CA10: variants seen among roughly 807,000 people sequenced by gnomAD.
CA10 encodes carbonic anhydrase-related protein 10.
CA10 carries 14 observed loss-of-function variants against 44.2 expected under a neutral mutation model. That is an observed-to-expected ratio of 0.32 (90% CI 0.21 to 0.50). CA10 has a LOEUF of 0.50. CA10 is among the 20% of genes least tolerant of loss of function. The pLI is 0.99. For missense variants in CA10, 350 were observed against 409.7 expected (o/e 0.85, Z 1.26); for synonymous variants, 159 against 141.6 (o/e 1.12, Z -0.87).
At chr17:52,159,709 A>T (rs1989901570), upstream of CA10, 1 of 152,232 alleles carries the variant, frequency 6.6e-6, no homozygotes, top group African/African-American at 2.4e-5. Context: ...GGCCAGGGGC[A>T]GCCAGTCCGC....
chr17:51,695,416 G>T (rs1447995000), intron 4 of CA10, among the ~76,000 whole-genome samples: 3 of 151,874 alleles, frequency 2.0e-5, no homozygotes, highest in Non-Finnish European at 1.5e-5. Flanking sequence ...TATATATGTG[G>T]GTGTTTGTGT....
intron 2 of CA10, among the ~76,000 whole-genome samples, chr17:51,963,320 C>T (rs988784983): frequency 1.3e-5 from 2 of 152,020 alleles, no homozygotes; most frequent in African/African-American, 4.8e-5. Context: ...AAGGAGAAAA[C>T]ATAAGCAACC....
intron 2 of CA10, among the ~76,000 whole-genome samples, chr17:52,066,593 C>T (rs1478655864): frequency 6.6e-6 from 1 of 152,196 alleles, no homozygotes; most frequent in Non-Finnish European, 1.5e-5. Context: ...TTTGCTTCTC[C>T]TTCACCTTCA....
At chr17:51,732,573 C>A (rs1916757401) in intron 4 of CA10, among the ~76,000 whole-genome samples, 1 of 152,162 alleles carries the variant, frequency 6.6e-6, no homozygotes. Context: ...AGGGTGTCTG[C>A]ATAACCGACA....
rs1259335168 is a variant in CA10 at position 51,630,844 on chromosome 17, A to AAAC, written c.*737_*739dup. On this transcript the variant is annotated 3_prime_UTR_variant, in exon 9 of 9. Transcript: ENST00000451037. Reference sequence around the variant, plus strand: ...CAATGTATGACCTTTGGAAAACAAGAAACAGCAAATGGATCATTTCTGATC... The same window carrying AAAC: ...CAATGTATGACCTTTGGAAAACAAGAAACAACAGCAAATGGATCATTTCTGATC... 3 of 152,688 alleles carry AAAC rather than the reference A, an allele frequency of 2.0e-5. No homozygotes were observed. Among genetic ancestry groups the AAAC allele is most frequent in the Non-Finnish European group, 4.4e-5 (3 of 68,058 alleles). 9.5% of individuals were successfully genotyped at this position (152,688 alleles called of 1,614,324 possible).
intron 3 of CA10, among the ~76,000 whole-genome samples, chr17:51,814,342 C>T (rs1208207033): frequency 1.3e-5 from 2 of 152,240 alleles, no homozygotes; most frequent in East Asian, 3.9e-4. Context: ...TGTTACTACT[C>T]CAGTGGGAGT....
At chr17:51,708,504 A>T (rs2143482568) in intron 4 of CA10, among the ~76,000 whole-genome samples, 1 of 152,346 alleles carries the variant, frequency 6.6e-6, no homozygotes, top group African/African-American at 2.4e-5. Context: ...GCTGAGTGGC[A>T]GCTCTTATCC....
chr17:51,828,825 G>C (rs762848632), intron 3 of CA10, among the ~76,000 whole-genome samples: 1 of 152,144 alleles, frequency 6.6e-6, no homozygotes, highest in Non-Finnish European at 1.5e-5. Flanking sequence ...ATGTTGAGTT[G>C]CTTCATCTTT....
intron 2 of CA10, among the ~76,000 whole-genome samples, chr17:52,001,339 T>G (rs1238608031): frequency 6.6e-6 from 1 of 152,020 alleles, no homozygotes; most frequent in African/African-American, 2.4e-5. Flanking sequence ...TTTTTCAACC[T>G]TGTGATGCAG....
chr17:51,692,289 T>A (rs1305422107), intron 4 of CA10, among the ~76,000 whole-genome samples: 2 of 151,044 alleles, frequency 1.3e-5, no homozygotes, highest in African/African-American at 4.9e-5. Flanking sequence ...TCTTGATTCC[T>A]TTTTCAGATT....
chr17:51,836,780 G>A (rs1423328242), intron 3 of CA10, among the ~76,000 whole-genome samples: 2 of 152,192 alleles, frequency 1.3e-5, no homozygotes, highest in African/African-American at 4.8e-5. Flanking sequence ...ATGGCACAAA[G>A]GAGGGAGGCA....
At chr17:51,992,152 C>T (rs1985064790) in intron 2 of CA10, among the ~76,000 whole-genome samples, 1 of 152,070 alleles carries the variant, frequency 6.6e-6, no homozygotes, top group African/African-American at 2.4e-5. Context: ...TTCTCTTCCT[C>T]CCTCCTTGGA....
At chr17:52,040,575 G>A (rs1261622079) in intron 2 of CA10, among the ~76,000 whole-genome samples, 2 of 152,044 alleles carry the variant, frequency 1.3e-5, no homozygotes, top group Non-Finnish European at 2.9e-5. Flanking sequence ...TTGGACAGCA[G>A]GCTATGCAGG....
intron 2 of CA10, among the ~76,000 whole-genome samples, chr17:51,961,436 G>A (rs1376956726): frequency 6.9e-6 from 1 of 145,560 alleles, no homozygotes; most frequent in African/African-American, 2.5e-5. Flanking sequence ...ACCAAGCAAA[G>A]AAAAAGAGAA....
chr17:52,080,166 T>C (rs112153703), intron 1 of CA10, among the ~76,000 whole-genome samples: 5,607 of 152,190 alleles, frequency 0.037, 132 homozygotes, highest in African/African-American at 0.071. Context: ...TTTTAAGAAG[T>C]TCAAGGCCAG....
chr17:51,857,563 T>C (rs192644724), intron 3 of CA10, among the ~76,000 whole-genome samples: 1 of 152,256 alleles, frequency 6.6e-6, no homozygotes, highest in East Asian at 1.9e-4. Flanking sequence ...GCTGGCCCAA[T>C]TTATCTGTCA....
chr17:51,768,938 GAAAAA>G (rs369314216), intron 3 of CA10, among the ~76,000 whole-genome samples: 1 of 152,026 alleles, frequency 6.6e-6, no homozygotes, highest in Non-Finnish European at 1.5e-5. Context: ...AGACTGAGAA[GAAAAA>G]AACACAGTAT....
At chr17:51,719,343 G>A (rs922506847) in intron 4 of CA10, among the ~76,000 whole-genome samples, 1 of 152,168 alleles carries the variant, frequency 6.6e-6, no homozygotes, top group South Asian at 2.1e-4. Context: ...GAACCTAGGT[G>A]ACACCTGAGG....
At chr17:51,910,408 G>T (rs1365974771) in intron 3 of CA10, among the ~76,000 whole-genome samples, 3 of 152,130 alleles carry the variant, frequency 2.0e-5, no homozygotes, top group Non-Finnish European at 2.9e-5. Context: ...TCACTTAATT[G>T]TTTTGTTCTT....
Sources: gnomAD v4.1 joint callset for allele counts (sites outside exome capture counted in the v4.1 genomes callset) on GRCh38, gnomAD v4.1.1 for gene constraint, MANE v1.5 for transcripts, NCBI Gene and HGNC (gene_info 2026-07-23, HGNC 2026-07-21) for gene names.